FOXP2: variants seen among roughly 807,000 people sequenced by gnomAD.
FOXP2 encodes the protein forkhead box P2.
A neutral mutation model predicts 115.8 loss-of-function variants in FOXP2; 12 were observed. The ratio of observed to expected loss-of-function variants is 0.10; its 90% CI spans 0.07 to 0.17. FOXP2 has a LOEUF of 0.17. FOXP2 is among the 10% of genes least tolerant of loss of function. The pLI is 1.00. For missense variants in FOXP2, 629 were observed against 843.5 expected, an observed-to-expected ratio of 0.75 and a Z score of 3.15; for synonymous variants, 328 against 297.7, an observed-to-expected ratio of 1.10 and a Z score of -1.05.
At chr7:114,290,723 G>A (rs1796570235) in intron 2 of FOXP2, among the ~76,000 whole-genome samples, 1 of 151,980 alleles carries the variant, frequency 6.6e-6, no homozygotes, top group African/African-American at 2.4e-5. Context: ...GAGAATGCAA[G>A]GTTGGAAATC....
intron 2 of FOXP2, among the ~76,000 whole-genome samples, chr7:114,306,915 C>G (rs1057362566): frequency 4.6e-5 from 7 of 152,104 alleles, no homozygotes; most frequent in African/African-American, 1.7e-4. Flanking sequence ...CTCTGCCTAC[C>G]TCTTCCACAT....
chr7:114,251,057 G>A (rs145407569), intron 1 of FOXP2, among the ~76,000 whole-genome samples: 50 of 152,130 alleles, frequency 3.3e-4, no homozygotes, highest in South Asian at 8.3e-4. Context: ...ATAGGGAATC[G>A]TTTCCCCATT....
chr7:114,629,957 G>A lies in FOXP2; in HGVS notation c.549G>A (p.Gln183=), dbSNP rs1415137088. ...QQQQQQQQQQ[Q]QQQQQQQQHP... ...AGCAGCAACAACAGCAGCAGCAGCA[G>A]CAACAGCAGCAGCAGCAGCAACAGC... Residue 183 remains glutamine, a synonymous_variant, in exon 5 of 17, where the codon CAG becomes CAA. Transcript: ENST00000350908. 2 of 1,605,430 alleles carry A rather than the reference G, an allele frequency of 1.2e-6. No individual in the cohort carries two copies. The highest frequency in any genetic ancestry group is 1.7e-6 in the Non-Finnish European group (2 of 1,177,002).
chr7:114,684,572 G>A (rs760653924), intron 16 of FOXP2, among the ~76,000 whole-genome samples: 1 of 152,112 alleles, frequency 6.6e-6, no homozygotes, highest in South Asian at 2.1e-4. Flanking sequence ...AATATTCGCA[G>A]GTCATTTGTG....
intron 1 of FOXP2, among the ~76,000 whole-genome samples, chr7:114,175,721 G>T (rs1331358959): frequency 6.6e-6 from 1 of 152,070 alleles, no homozygotes; most frequent in Non-Finnish European, 1.5e-5. Flanking sequence ...TATAAAAAAA[G>T]CATTTGCTGA....
At chr7:114,196,464 C>T (rs1369148228) in intron 1 of FOXP2, among the ~76,000 whole-genome samples, 1 of 152,096 alleles carries the variant, frequency 6.6e-6, no homozygotes, top group Non-Finnish European at 1.5e-5. Flanking sequence ...AATTATTAAA[C>T]TATATTGGAG....
chr7:114,620,409 C>G (rs969325645), intron 3 of FOXP2, among the ~76,000 whole-genome samples: 3 of 152,020 alleles, frequency 2.0e-5, no homozygotes, highest in African/African-American at 7.2e-5. Context: ...GGAAACCTTT[C>G]AAAGTGATGA....
In FOXP2 at chr7:114,150,650, G is replaced by A. The variant is rs111813785; in HGVS notation, c.-246-12294G>A. 3.3e-4 allele frequency among the ~76,000 whole-genome samples: 50 copies of A among 152,002 alleles called. 2 individuals carry two copies. Among genetic ancestry groups the A allele is most frequent in the African/African-American group, 1.1e-3 (44 of 41,502 alleles). On this transcript the variant is annotated intron_variant, in intron 1 of 19. Coordinates refer to the FOXP2 transcript ENST00000635638. ...AAATTTTTAAGAAATGTTAATAGCT[G>A]TTTAAAATAGATATATATTCTTTAT... is the stretch of plus-strand genomic sequence containing the variant.
At position 114,115,631 on chromosome 7, in the gene FOXP2, C is replaced by T. The variant is rs1278844532; in HGVS notation, c.-247+27793C>T. On this transcript the variant is annotated intron_variant, in intron 1 of 19. Transcript: ENST00000635638. ...TTTCTTCTCTACTCAACCCTCTCATCTCAATTCAGATGCAGCTTCCTCGTG... is the reference window on the plus strand; with the variant it reads ...TTTCTTCTCTACTCAACCCTCTCATTTCAATTCAGATGCAGCTTCCTCGTG... Among the ~76,000 whole-genome samples, 4 of 152,274 alleles carry T rather than the reference C, an allele frequency of 2.6e-5. No homozygotes were observed. In the East Asian group the frequency reaches 7.7e-4, roughly 29 times the overall value.
intron 2 of FOXP2, among the ~76,000 whole-genome samples, chr7:114,317,893 A>G (rs1334865680): frequency 6.6e-6 from 1 of 151,958 alleles, no homozygotes; most frequent in Non-Finnish European, 1.5e-5. Flanking sequence ...GTATGCTCCC[A>G]CCTCGGGGCC....
intron 3 of FOXP2, chr7:114,561,620 A>T (rs2129291287): frequency 6.6e-6 from 1 of 152,308 alleles, no homozygotes; most frequent in South Asian, 2.1e-4. Context: ...AATGAATGGC[A>T]CCTGTCACGC....
chr7:114,342,295 A>G (rs1007993450), intron 2 of FOXP2, among the ~76,000 whole-genome samples: 5 of 151,476 alleles, frequency 3.3e-5, no homozygotes, highest in African/African-American at 1.2e-4. Context: ...AAATTTGTCT[A>G]TAATAATATA....
At chr7:114,334,270 A>G (rs1258247611) in intron 2 of FOXP2, among the ~76,000 whole-genome samples, 1 of 152,034 alleles carries the variant, frequency 6.6e-6, no homozygotes, top group African/African-American at 2.4e-5. Context: ...AACTGTGTCC[A>G]TTAGTGCTTG....
At position 114,426,612 on chromosome 7, in the gene FOXP2, G is replaced by A; in HGVS notation, c.101G>A (p.Gly34Glu). The A allele has an allele frequency of 8.7e-6, 14 of 1,611,710 alleles. No individual in the cohort carries two copies. The highest frequency in any genetic ancestry group is 1.2e-5 in the Non-Finnish European group (14 of 1,178,442). Reference protein sequence around the residue: ...SSQLDAGSRDGRSSGDTSSEV... With the variant: ...SSQLDAGSRDERSSGDTSSEV... ...CAATTAGATGCTGGCAGCAGAGATG[G>A]AAGATCAAGTGGTGACACCAGCTCT... The change falls in exon 2 of 17, where the codon GGA becomes GAA. Residue 34 changes from glycine to glutamate, a missense_variant. By Grantham distance (98) the Gly-to-Glu change is moderately conservative. This residue lies in a region of FOXP2 where 91 missense variants were observed against 98.3 expected (regional missense o/e 0.93). Transcript: ENST00000350908.
intron 1 of FOXP2, among the ~76,000 whole-genome samples, chr7:114,236,636 C>T (rs1022016921): frequency 6.6e-6 from 1 of 152,144 alleles, no homozygotes; most frequent in African/African-American, 2.4e-5. Flanking sequence ...GAAAATAGAA[C>T]TTTACATACA....
chr7:114,618,776 G>A (rs1199832069), intron 3 of FOXP2, among the ~76,000 whole-genome samples: 2 of 152,128 alleles, frequency 1.3e-5, no homozygotes, highest in Non-Finnish European at 2.9e-5. Flanking sequence ...TATTAAGTTT[G>A]AGTAGAGACT....
chr7:114,515,948 T>C (rs1367808066), intron 2 of FOXP2, among the ~76,000 whole-genome samples: 2 of 152,146 alleles, frequency 1.3e-5, no homozygotes, highest in Non-Finnish European at 2.9e-5. Context: ...TGCTCATGGG[T>C]AGGAAGAATC....
intron 2 of FOXP2, among the ~76,000 whole-genome samples, chr7:114,340,828 T>C (rs1469729297): frequency 6.6e-6 from 1 of 151,134 alleles, no homozygotes; most frequent in Non-Finnish European, 1.5e-5. Flanking sequence ...TAAAAATCAG[T>C]GTAACCTTAT....
chr7:114,424,667 G>T (rs541239607), intron 1 of FOXP2, among the ~76,000 whole-genome samples: 1 of 151,360 alleles, frequency 6.6e-6, no homozygotes, highest in Admixed American at 6.6e-5. Context: ...CCATCACTAT[G>T]TATCAGTTTT....
Sources: gnomAD v4.1 joint callset for allele counts (sites outside exome capture counted in the v4.1 genomes callset) on GRCh38, gnomAD v4.1.1 for gene constraint, gnomAD v4.1.1 regional missense constraint, MANE v1.5 for transcripts, NCBI Gene and HGNC (gene_info 2026-07-23, HGNC 2026-07-21) for gene names.